XPO6: variants seen among roughly 807,000 people sequenced by gnomAD.
XPO6 encodes the protein exportin-6.
XPO6 carries 3 observed loss-of-function variants against 130.0 expected under a neutral mutation model. The ratio of observed to expected loss-of-function variants is 0.02; its 90% CI spans 0.01 to 0.06. The LOEUF (loss-of-function observed/expected upper bound fraction) is 0.06. Among genes scored for constraint, XPO6 ranks in the 10% least tolerant of loss-of-function variants. The pLI is 1.00. For missense variants in XPO6, 970 were observed against 1,393.0 expected (o/e 0.70, Z 4.83); for synonymous variants, 524 against 548.9 (o/e 0.95, Z 0.63).
At chr16:28,105,517 A>G (rs1406372008) in intron 20 of XPO6, among the ~76,000 whole-genome samples, 1 of 152,242 alleles carries the variant, frequency 6.6e-6, no homozygotes, top group Non-Finnish European at 1.5e-5. Flanking sequence ...TCCCAGTCTC[A>G]GTTCAGACAG....
intron 20 of XPO6, 115 bp downstream of exon 20, chr16:28,105,928 A>G (rs2086766804): frequency 6.8e-7 from 1 of 1,464,824 alleles, no homozygotes; most frequent in East Asian, 2.3e-5. Context: ...ACTACTTTAC[A>G]AGCATATTAA....
intron 1 of XPO6, among the ~76,000 whole-genome samples, chr16:28,193,177 G>A (rs2043811122): frequency 6.6e-6 from 1 of 152,138 alleles, no homozygotes; most frequent in Non-Finnish European, 1.5e-5. Context: ...TTCATGTTCA[G>A]TCACGTTCCT....
intron 20 of XPO6, 113 bp downstream of exon 20, chr16:28,105,930 G>C (rs1253604356): frequency 3.5e-5 from 51 of 1,466,160 alleles, no homozygotes; most frequent in Non-Finnish European, 4.3e-5. Flanking sequence ...TACTTTACAA[G>C]CATATTAAAC....
Position 28,132,509 on chromosome 16 carries a change from G to T in XPO6, c.1537-106C>A. 1.3e-6 allele frequency: 1 copy of T among 743,746 alleles called. No individual in the cohort carries two copies. 46.1% of individuals were successfully genotyped at this position (743,746 alleles called of 1,614,324 possible). Reference sequence around the variant, plus strand: ...ACACGTAACTATGGTGTGAGGAACAGGATCAAAACCTTTTCTCTGGGAACC... The same window carrying T: ...ACACGTAACTATGGTGTGAGGAACATGATCAAAACCTTTTCTCTGGGAACC... On this transcript the variant is annotated intron_variant, in intron 11 of 23. Transcript: ENST00000304658. The surrounding 1 kb of genome is among the most constrained non-coding windows in gnomAD (Gnocchi z 4.0).
intron 17 of XPO6, among the ~76,000 whole-genome samples, chr16:28,110,289 C>T (rs1256023134): frequency 2.0e-5 from 3 of 152,178 alleles, no homozygotes; most frequent in African/African-American, 7.2e-5. Context: ...ACCTCCCTGC[C>T]CTCTGAGTTA....
At chr16:28,186,143 C>T (rs1418255638) in intron 1 of XPO6, among the ~76,000 whole-genome samples, 2 of 151,944 alleles carry the variant, frequency 1.3e-5, no homozygotes, top group African/African-American at 4.8e-5. Context: ...TGCTTCTTCC[C>T]CATATTCTCC....
intron 9 of XPO6, among the ~76,000 whole-genome samples, chr16:28,141,282 G>T (rs1338646394): frequency 6.6e-6 from 1 of 152,064 alleles, no homozygotes; most frequent in Non-Finnish European, 1.5e-5. Context: ...ATGACACAAT[G>T]ACTTTAGGTT....
chr16:28,105,569 C>T lies in XPO6; in HGVS notation c.2784+474G>A, dbSNP rs2086756407. 3.2e-5 allele frequency: 5 copies of T among 154,432 alleles called. No individual in the cohort carries two copies. In the South Asian group the frequency reaches 1.0e-3, roughly 31 times the overall value. The allele number at this position is 154,432 out of a possible 1,614,324, so 9.6% of individuals were successfully genotyped here. ...ATTTATACGACTATTACCAAAAAAACTGAAATTAAATCTATACTTATTCCG... is the reference window on the plus strand; with the variant it reads ...ATTTATACGACTATTACCAAAAAAATTGAAATTAAATCTATACTTATTCCG... On this transcript the variant is annotated intron_variant, in intron 20 of 23. Transcript: ENST00000304658.
chr16:28,189,582 T>C (rs934075943), intron 1 of XPO6, among the ~76,000 whole-genome samples: 11 of 131,416 alleles, frequency 8.4e-5, no homozygotes, highest in African/African-American at 3.4e-4. Flanking sequence ...GTACAAGAGT[T>C]GCAGGAGAAA....
At chr16:28,206,165 CACAT>C (rs1385963663) in intron 1 of XPO6, among the ~76,000 whole-genome samples, 25 of 151,648 alleles carry the variant, frequency 1.6e-4, no homozygotes, top group Admixed American at 1.2e-3. Context: ...CACACACACA[CACAT>C]ATTAACTATT....
chr16:28,099,463 C>T (rs2086607524), intron 23 of XPO6, among the ~76,000 whole-genome samples: 1 of 152,248 alleles, frequency 6.6e-6, no homozygotes, highest in South Asian at 2.1e-4. Flanking sequence ...TATTTCCTGG[C>T]CCCAGCAGCC....
intron 1 of XPO6, among the ~76,000 whole-genome samples, chr16:28,190,223 A>AT (rs753474910): frequency 0.044 from 6,013 of 136,040 alleles, 298 homozygotes; most frequent in African/African-American, 0.13. Flanking sequence ...TTCTTTCTTT[A>AT]TTTTTTTTTT....
chr16:28,202,835 A>G (rs1351750033), intron 1 of XPO6, among the ~76,000 whole-genome samples: 1 of 152,236 alleles, frequency 6.6e-6, no homozygotes, highest in African/African-American at 2.4e-5. Flanking sequence ...ACGGGAGCCA[A>G]GAAGAAAAGT....
intron 1 of XPO6, among the ~76,000 whole-genome samples, chr16:28,186,573 T>A (rs1193795155): frequency 6.6e-6 from 1 of 151,858 alleles, no homozygotes; most frequent in Non-Finnish European, 1.5e-5. Context: ...TCTTGCTCTG[T>A]TGCCGAGGTT....
Position 28,098,257 on chromosome 16 carries a change from G to T in XPO6, c.*281C>A. On this transcript the variant is annotated 3_prime_UTR_variant, in exon 24 of 24. Coordinates refer to ENST00000304658, the MANE Select transcript of XPO6 (RefSeq NM_015171.4). ...GAGCCACGTGCGCCTGGTCTGCATG[G>T]GCCACCCCGCGGGATTTCCTGGTGC... The T allele has an allele frequency of 2.9e-6, 1 of 347,016 alleles. No individual in the cohort carries two copies. The highest frequency in any genetic ancestry group is 5.3e-6 in the Non-Finnish European group (1 of 187,390). The allele number at this position is 347,016 out of a possible 1,614,324, so 21.5% of individuals were successfully genotyped here. A position where few individuals can be genotyped will look rare whatever the true frequency, so the allele number is the denominator to read the frequency against.
At chr16:28,170,406 CTCA>C (rs2043431687) in intron 4 of XPO6, among the ~76,000 whole-genome samples, 1 of 151,048 alleles carries the variant, frequency 6.6e-6, no homozygotes. Flanking sequence ...AAAATACATT[CTCA>C]TCATATTTTA....
chr16:28,190,354 G>A (rs1168759098), intron 1 of XPO6, among the ~76,000 whole-genome samples: 5 of 151,866 alleles, frequency 3.3e-5, no homozygotes, highest in Non-Finnish European at 5.9e-5. Context: ...CAAGGAGCTC[G>A]GATTACAGGT....
At chr16:28,103,166 G>A (rs1395394735) in intron 21 of XPO6, among the ~76,000 whole-genome samples, 1 of 152,032 alleles carries the variant, frequency 6.6e-6, no homozygotes, top group Non-Finnish European at 1.5e-5. Context: ...TCACCCCTAA[G>A]GCAACCACTG....
intron 1 of XPO6, among the ~76,000 whole-genome samples, chr16:28,184,563 CTCATA>C (rs1282469917): frequency 6.8e-6 from 1 of 147,420 alleles, no homozygotes; most frequent in African/African-American, 2.5e-5. Context: ...AAACAGGGAA[CTCATA>C]TCAGAGCATA....
Sources: allele counts gnomAD v4.1 joint callset (sites outside exome capture counted in the v4.1 genomes callset), GRCh38; gene constraint gnomAD v4.1.1; non-coding constraint Gnocchi (gnomAD v3.1); transcripts MANE v1.5; gene names NCBI Gene and HGNC (gene_info 2026-07-23, HGNC 2026-07-21).